PRKD1: variants seen among roughly 807,000 people sequenced by gnomAD.
PRKD1 encodes protein kinase D1, also known as serine/threonine-protein kinase D1.
A neutral mutation model predicts 95.9 loss-of-function variants in PRKD1; 63 were observed. That is an observed-to-expected ratio of 0.66 (90% CI 0.54 to 0.81). PRKD1 has a LOEUF of 0.81. PRKD1 is among the 30% of genes least tolerant of loss of function. PRKD1 has a pLI of 0.00. For missense variants in PRKD1, 1,048 were observed against 1,165.3 expected (o/e 0.90, Z 1.47); for synonymous variants, 425 against 423.1 (o/e 1.00, Z -0.05).
chr14:29,918,367 T>G (rs1894967440), intron 1 of PRKD1, among the ~76,000 whole-genome samples: 1 of 152,046 alleles, frequency 6.6e-6, no homozygotes, highest in Admixed American at 6.6e-5. Context: ...AATAGTAATT[T>G]ACAAAAATGT....
At chr14:29,718,439 T>G (rs1218790396) in intron 2 of PRKD1, among the ~76,000 whole-genome samples, 1 of 152,164 alleles carries the variant, frequency 6.6e-6, no homozygotes, top group Non-Finnish European at 1.5e-5. Context: ...ATTAAGCATC[T>G]TTTCTTTATA....
chr14:29,744,811 C>T (rs147661060), intron 1 of PRKD1, among the ~76,000 whole-genome samples: 106 of 152,192 alleles, frequency 7.0e-4, no homozygotes, highest in Non-Finnish European at 1.1e-3. Flanking sequence ...CCTCCCAAAG[C>T]GCTGGAATTA....
chr14:29,656,091 T>A (rs1444370923), intron 4 of PRKD1, among the ~76,000 whole-genome samples: 2 of 152,170 alleles, frequency 1.3e-5, no homozygotes, highest in African/African-American at 2.4e-5. Flanking sequence ...TAAGATTCAT[T>A]TAACATAGCA....
intron 1 of PRKD1, among the ~76,000 whole-genome samples, chr14:29,859,775 A>T (rs1004289220): frequency 6.6e-6 from 1 of 152,234 alleles, no homozygotes; most frequent in Non-Finnish European, 1.5e-5. Flanking sequence ...CTATGAAGTT[A>T]TATGGCTTGG....
chr14:29,636,260 G>T (rs997614077), intron 7 of PRKD1, 30 bp downstream of exon 7: 3 of 1,613,356 alleles, frequency 1.9e-6, no homozygotes, highest in Admixed American at 1.7e-5. Context: ...GGGTTCCCCT[G>T]TTGGCTGAGG....
At chr14:29,596,831 C>T (rs1217180533) in intron 16 of PRKD1, among the ~76,000 whole-genome samples, 1 of 152,056 alleles carries the variant, frequency 6.6e-6, no homozygotes, top group Non-Finnish European at 1.5e-5. Flanking sequence ...CCTGTCAGCC[C>T]CTGCAATTTC....
At chr14:29,656,358 C>A in intron 4 of PRKD1, 1 of 1,147,654 alleles carries the variant, frequency 8.7e-7, no homozygotes, top group Non-Finnish European at 1.2e-6. Flanking sequence ...TTGAGCTAAA[C>A]TCTGACCTGA....
At chr14:29,924,294 A>G (rs984556672) in intron 1 of PRKD1, among the ~76,000 whole-genome samples, 3 of 152,232 alleles carry the variant, frequency 2.0e-5, no homozygotes, top group Non-Finnish European at 2.9e-5. Context: ...TTATCTTAAA[A>G]TAAGTATTTT....
At chr14:29,652,147 C>T (rs886171925) in intron 4 of PRKD1, among the ~76,000 whole-genome samples, 16 of 152,236 alleles carry the variant, frequency 1.1e-4, no homozygotes, top group African/African-American at 2.4e-4. Context: ...ATTAGATGGA[C>T]GCAGATGCCC....
chr14:29,676,645 G>A (rs909755353), intron 2 of PRKD1, among the ~76,000 whole-genome samples: 3 of 152,170 alleles, frequency 2.0e-5, no homozygotes, highest in Non-Finnish European at 4.4e-5. Flanking sequence ...CAGCCACAGC[G>A]CCCGGCCAAG....
chr14:29,903,002 T>C (rs1342513438), intron 1 of PRKD1, among the ~76,000 whole-genome samples: 1 of 152,206 alleles, frequency 6.6e-6, no homozygotes, highest in Non-Finnish European at 1.5e-5. Context: ...TAATGCCCTA[T>C]ATTCCTGCCC....
Position 29,577,508 on chromosome 14 carries a change from A to G in PRKD1, c.2521-52T>C, listed in dbSNP as rs754785021. 35 of 1,519,444 alleles carry G rather than the reference A, an allele frequency of 2.3e-5. No individual in the cohort carries two copies. The Middle Eastern group carries it at 6.9e-4, about 30-fold the overall frequency. The allele number at this position is 1,519,444 out of a possible 1,614,324, so 94.1% of individuals were successfully genotyped here. On this transcript the variant is annotated intron_variant, in intron 17 of 17. Coordinates refer to ENST00000331968, the MANE Select transcript of PRKD1 (RefSeq NM_002742.3). ...CATAGAGATCATTACAACTCAACAT[A>G]CTGTTTCATATGATGTCAGTTTCTG...
intron 2 of PRKD1, among the ~76,000 whole-genome samples, chr14:29,668,447 A>G (rs1171386134): frequency 6.6e-6 from 1 of 152,128 alleles, no homozygotes; most frequent in African/African-American, 2.4e-5. Flanking sequence ...GGCCCCTTAT[A>G]CTGGTATTTG....
chr14:29,728,995 T>C (rs929587354), intron 1 of PRKD1, among the ~76,000 whole-genome samples: 1 of 152,172 alleles, frequency 6.6e-6, no homozygotes, highest in African/African-American at 2.4e-5. Flanking sequence ...ATTTTAGAAA[T>C]GCTTTGTTGA....
At chr14:29,881,352 GCCTTTCA>G (rs1893505593) in intron 1 of PRKD1, among the ~76,000 whole-genome samples, 1 of 152,040 alleles carries the variant, frequency 6.6e-6, no homozygotes, top group African/African-American at 2.4e-5. Flanking sequence ...TGTAAGAAGA[GCCTTTCA>G]CCTCCCACCA....
At chr14:29,882,975 A>G (rs1386108202) in intron 1 of PRKD1, among the ~76,000 whole-genome samples, 1 of 152,180 alleles carries the variant, frequency 6.6e-6, no homozygotes, top group African/African-American at 2.4e-5. Flanking sequence ...GCATTGCTAT[A>G]AAGACCTGAG....
At chr14:29,693,908 C>G (rs969443530) in intron 2 of PRKD1, among the ~76,000 whole-genome samples, 4 of 152,180 alleles carry the variant, frequency 2.6e-5, no homozygotes, top group Non-Finnish European at 5.9e-5. Flanking sequence ...TTTCCATAGG[C>G]AGAGCCAAAA....
chr14:29,619,714 C>A (rs1879118340), intron 13 of PRKD1, among the ~76,000 whole-genome samples: 1 of 152,178 alleles, frequency 6.6e-6, no homozygotes, highest in African/African-American at 2.4e-5. Context: ...GCTCATGTAT[C>A]TGTAGAGAGT....
chr14:29,812,043 C>A (rs773460482), intron 1 of PRKD1: 1 of 152,118 alleles, frequency 6.6e-6, no homozygotes, highest in Non-Finnish European at 1.5e-5. Flanking sequence ...AATACACATA[C>A]ACATACACAC....
Sources: allele counts gnomAD v4.1 joint callset (sites outside exome capture counted in the v4.1 genomes callset), GRCh38; gene constraint gnomAD v4.1.1; transcripts MANE v1.5; gene names NCBI Gene and HGNC (gene_info 2026-07-23, HGNC 2026-07-21).